Variants in MSH4 observed in about 807,000 individuals in gnomAD.
MSH4 encodes mutS homolog 4.
A neutral mutation model predicts 113.7 loss-of-function variants in MSH4; 106 were observed. That is an observed-to-expected ratio of 0.93 (90% CI 0.80 to 1.10). The LOEUF is 1.10. Ranked by LOEUF, MSH4 falls within the 50% of genes least tolerant of loss-of-function variation. MSH4 has a pLI of 0.00. For missense variants in MSH4, 1,061 were observed against 1,093.7 expected (o/e 0.97, Z 0.42); for synonymous variants, 368 against 380.2 (o/e 0.97, Z 0.37).
Position 75,803,752 on chromosome 1 carries a change from G to A in MSH4, c.266G>A (p.Arg89Lys). Residue 89 changes from arginine (R) to lysine (K), a missense_variant, in exon 2 of 20, where the codon AGA becomes AAA. Coordinates refer to ENST00000263187, the MANE Select transcript of MSH4 (RefSeq NM_002440.4). ...PAQGSYFGNKRAYAENTVASN... is the reference protein window; with the variant it reads ...PAQGSYFGNKKAYAENTVASN... ...TTAGGTTCATACTTTGGAAACAAAAGAGCTTATGCAGAAAACACAGTTGCA... is the reference window on the plus strand; with the variant it reads ...TTAGGTTCATACTTTGGAAACAAAAAAGCTTATGCAGAAAACACAGTTGCA... 1 of 1,579,412 alleles carries A rather than the reference G, an allele frequency of 6.3e-7. No individual in the cohort carries two copies. The highest frequency in any genetic ancestry group is 1.4e-5 in the African/African-American group (1 of 72,856).
chr1:75,864,314 C>T (rs745564767), intron 8 of MSH4, among the ~76,000 whole-genome samples: 1 of 152,132 alleles, frequency 6.6e-6, no homozygotes. Flanking sequence ...AGAAATAATA[C>T]TGCTAAACAA....
At chr1:75,901,751 C>T (rs1273544243) in intron 19 of MSH4, among the ~76,000 whole-genome samples, 2 of 152,010 alleles carry the variant, frequency 1.3e-5, no homozygotes, top group Non-Finnish European at 2.9e-5. Flanking sequence ...TTCATAGTGG[C>T]AATACTAATT....
intron 1 of MSH4, 107 bp from the exon 2 acceptor site, chr1:75,803,622 AAG>A: frequency 8.2e-6 from 7 of 852,342 alleles, no homozygotes; most frequent in Non-Finnish European, 1.2e-5. Flanking sequence ...TGTCTCAAAA[AAG>A]AAAAAAAGAA....
chr1:75,870,694 C>T lies in MSH4; in HGVS notation c.1305+3106C>T, dbSNP rs563409368. Among the ~76,000 whole-genome samples, 4 of 152,280 alleles carry T rather than the reference C, an allele frequency of 2.6e-5. No homozygotes were observed. In the East Asian group the frequency reaches 7.7e-4, roughly 29 times the overall value. ...ACCTTCTGCCATGATTGTGAGGCCTCCCCAGCCATGTGGAATTGTGAGTCA... is the reference window on the plus strand; with the variant it reads ...ACCTTCTGCCATGATTGTGAGGCCTTCCCAGCCATGTGGAATTGTGAGTCA... On this transcript the variant is annotated intron_variant, in intron 9 of 19. Coordinates refer to ENST00000263187, the MANE Select transcript of MSH4 (RefSeq NM_002440.4).
rs765878207 is a variant in MSH4 at position 75,803,710 on chromosome 1, CTG to C, written c.245-19_245-18del. The C allele has an allele frequency of 6.0e-6, 9 of 1,493,238 alleles. No individual in the cohort carries two copies. In the East Asian group the frequency reaches 9.6e-5, roughly 16 times the overall value. The allele number at this position is 1,493,238 out of a possible 1,614,324, so 92.5% of individuals were successfully genotyped here. A position where few individuals can be genotyped will look rare whatever the true frequency, so the allele number is the denominator to read the frequency against. On this transcript the variant is annotated intron_variant, in intron 1 of 19. Transcript: ENST00000263187. ...CATAATTCAAATCTTTAAGAATTGA[CTG>C]TTAATTTTTCAAATTTAGGTTCATA... is the stretch of plus-strand genomic sequence containing the variant.
chr1:75,848,233 A>G lies in MSH4; in HGVS notation c.1187A>G (p.Glu396Gly), dbSNP rs1651116377. The G allele has an allele frequency of 6.2e-7, 1 of 1,609,354 alleles. No homozygotes were observed. Among genetic ancestry groups the G allele is most frequent in the South Asian group, 1.1e-5 (1 of 90,564 alleles). The change falls in exon 8 of 20, where the codon GAG (glutamate) becomes GGG (glycine). Residue 396 changes from glutamate (E) to glycine (G), a missense_variant. Coordinates refer to ENST00000263187, the MANE Select transcript of MSH4 (RefSeq NM_002440.4). Reference protein sequence around the residue: ...QSVISRFLDTEQLLSVLVQIP... With the variant: ...QSVISRFLDTGQLLSVLVQIP... ...GTTATATCAAGATTTCTTGATACAG[A>G]GCAGCTTCTTTCTGTTTTAGTCCAA...
At chr1:75,858,788 G>GTT (rs1286403483) in intron 8 of MSH4, among the ~76,000 whole-genome samples, 1 of 152,190 alleles carries the variant, frequency 6.6e-6, no homozygotes, top group Non-Finnish European at 1.5e-5. Flanking sequence ...CATAAAATGA[G>GTT]TTAAAGAGAA....
chr1:75,864,731 G>C (rs1161951751), intron 8 of MSH4, among the ~76,000 whole-genome samples: 1 of 152,096 alleles, frequency 6.6e-6, no homozygotes, highest in East Asian at 1.9e-4. Flanking sequence ...TTAGATATAA[G>C]CCCTTTTTTG....
intron 9 of MSH4, among the ~76,000 whole-genome samples, chr1:75,870,301 C>G (rs1024877504): frequency 6.6e-6 from 1 of 152,148 alleles, no homozygotes; most frequent in African/African-American, 2.4e-5. Flanking sequence ...GCAGAAGGGA[C>G]TTGCCTTGTC....
At position 75,830,117 on chromosome 1, in the gene MSH4, G is replaced by A. The variant is rs151306310; in HGVS notation, c.1162+7536G>A. Among the ~76,000 whole-genome samples the A allele has an allele frequency of 1.3e-3, 194 of 152,188 alleles. 2 individuals are homozygous for A. The highest frequency in any genetic ancestry group is 3.7e-3 in the Admixed American group (57 of 15,288). On this transcript the variant is annotated intron_variant, in intron 7 of 19. Coordinates refer to ENST00000263187, the MANE Select transcript of MSH4 (RefSeq NM_002440.4). Reference sequence around the variant, plus strand: ...AAGTGACCTGATGGAGCTGAAAACCGTGGCACGAGAACTTCTTGATGCGTG... The same window carrying A: ...AAGTGACCTGATGGAGCTGAAAACCATGGCACGAGAACTTCTTGATGCGTG...
chr1:75,879,894 T>C (rs1010003496), intron 12 of MSH4, among the ~76,000 whole-genome samples, 156 bp from the exon 13 acceptor site: 2 of 152,182 alleles, frequency 1.3e-5, no homozygotes, highest in Non-Finnish European at 1.5e-5. Flanking sequence ...GATCTACCTC[T>C]TACATTTCAC....
At chr1:75,818,235 C>T (rs764590387) in intron 6 of MSH4, among the ~76,000 whole-genome samples, 2 of 152,196 alleles carry the variant, frequency 1.3e-5, no homozygotes, top group Admixed American at 6.5e-5. Context: ...GCTCTCCTTA[C>T]ATTTACAATA....
chr1:75,831,679 A>G (rs893381542), intron 7 of MSH4, among the ~76,000 whole-genome samples: 3 of 152,222 alleles, frequency 2.0e-5, no homozygotes, highest in African/African-American at 7.2e-5. Flanking sequence ...CTGCTCCTGA[A>G]TGACTACTGG....
chr1:75,898,103 C>A (rs2100588432), intron 18 of MSH4, 22 bp downstream of exon 18: 1 of 1,444,624 alleles, frequency 6.9e-7, no homozygotes, highest in Non-Finnish European at 9.3e-7. Context: ...AGAAATTATA[C>A]CTATACATTC....
At chr1:75,901,769 C>T (rs1175150011) in intron 19 of MSH4, among the ~76,000 whole-genome samples, 2 of 152,056 alleles carry the variant, frequency 1.3e-5, no homozygotes, top group East Asian at 3.9e-4. Context: ...ATTTACATTC[C>T]CATCAACAGT....
chr1:75,825,248 G>T (rs931275450), intron 7 of MSH4, among the ~76,000 whole-genome samples: 1 of 152,068 alleles, frequency 6.6e-6, no homozygotes, highest in African/African-American at 2.4e-5. Flanking sequence ...GTTCACTCAT[G>T]ATTTGGCTCT....
At chr1:75,885,053 G>GTATATATATATATATATATATATATA (rs1440812710) in intron 15 of MSH4, among the ~76,000 whole-genome samples, 1 of 103,688 alleles carries the variant, frequency 9.6e-6, no homozygotes, top group African/African-American at 3.9e-5. Flanking sequence ...GTGTGTGTGT[G>GTATATATATATATATATATATATATA]TGTGTGTATA....
chr1:75,883,893 G>A (rs1248264200), intron 15 of MSH4, 72 bp downstream of exon 15: 2 of 1,299,630 alleles, frequency 1.5e-6, no homozygotes, highest in Non-Finnish European at 2.2e-6. Flanking sequence ...AATTTTTTTA[G>A]GGCCATGTGC....
At chr1:75,841,629 A>G (rs1341352633) in intron 7 of MSH4, among the ~76,000 whole-genome samples, 1 of 152,168 alleles carries the variant, frequency 6.6e-6, no homozygotes, top group Non-Finnish European at 1.5e-5. Flanking sequence ...TATAATGCTA[A>G]GGAGTTTAAT....
Sources: allele counts gnomAD v4.1 joint callset (sites outside exome capture counted in the v4.1 genomes callset), GRCh38; gene constraint gnomAD v4.1.1; transcripts MANE v1.5; gene names NCBI Gene and HGNC (gene_info 2026-07-23, HGNC 2026-07-21).